The following PHKB variants were observed in gnomAD, a reference collection of about 807,000 sequenced individuals.
The protein encoded by PHKB is phosphorylase kinase regulatory subunit beta, also known as phosphorylase b kinase regulatory subunit beta.
PHKB carries 122 observed loss-of-function variants against 152.1 expected under a neutral mutation model. The ratio of observed to expected loss-of-function variants is 0.80; its 90% CI spans 0.69 to 0.93. PHKB has a LOEUF of 0.93. Among genes scored for constraint, PHKB ranks in the 40% least tolerant of loss-of-function variants. The probability of loss-of-function intolerance (pLI) is 0.00; values close to 1 mark genes in which losing one functional copy is unlikely to be tolerated. For missense variants in PHKB, 1,304 were observed against 1,328.4 expected (o/e 0.98, Z 0.29); for synonymous variants, 436 against 464.9 (o/e 0.94, Z 0.80).
chr16:47,503,865 C>T (rs541407765), intron 4 of PHKB, among the ~76,000 whole-genome samples: 19 of 152,094 alleles, frequency 1.2e-4, no homozygotes, highest in East Asian at 5.8e-4. Context: ...AGCTTTACAG[C>T]GTTATGTGGA....
intron 6 of PHKB, among the ~76,000 whole-genome samples, chr16:47,538,358 T>C (rs1001624321): frequency 6.6e-6 from 1 of 152,188 alleles, no homozygotes; most frequent in African/African-American, 2.4e-5. Flanking sequence ...GTAGCCCGAG[T>C]TGGGTAAGCT....
intron 26 of PHKB, among the ~76,000 whole-genome samples, chr16:47,685,504 A>T (rs1973949097): frequency 6.6e-6 from 1 of 152,200 alleles, no homozygotes. Context: ...ATGAGGGATA[A>T]TTAGCCTGAT....
chr16:47,605,979 G>T (rs1972316276), intron 13 of PHKB, among the ~76,000 whole-genome samples: 1 of 152,104 alleles, frequency 6.6e-6, no homozygotes, highest in Admixed American at 6.5e-5. Flanking sequence ...GGTGCCTCTG[G>T]TTCATCATCT....
rs145042477 is a variant in PHKB, at chr16:47,550,917, A to T, written c.710+3369A>T. On this transcript the variant is annotated intron_variant, in intron 7 of 30. Transcript: ENST00000323584. ...GAACTTGTTATCAGTCTATTCAGGGATTCGACTTCTTCCTGGTTTAGTCTT... is the reference window on the plus strand; with the variant it reads ...GAACTTGTTATCAGTCTATTCAGGGTTTCGACTTCTTCCTGGTTTAGTCTT... Among the ~76,000 whole-genome samples the T allele has an allele frequency of 1.6e-4, 25 of 152,264 alleles. No homozygotes were observed. In the East Asian group the frequency reaches 4.4e-3, roughly 27 times the overall value.
At chr16:47,484,540 G>A (rs930776345) in intron 1 of PHKB, among the ~76,000 whole-genome samples, 3 of 152,156 alleles carry the variant, frequency 2.0e-5, no homozygotes, top group African/African-American at 7.2e-5. Context: ...GAAAGTGAAA[G>A]CAAGGATTAA....
intron 13 of PHKB, chr16:47,598,975 C>T (rs1464734206): frequency 1.6e-6 from 2 of 1,229,104 alleles, no homozygotes; most frequent in Non-Finnish European, 1.2e-6. Flanking sequence ...TCCCACAAGG[C>T]CAGTGGTCTT....
intron 6 of PHKB, among the ~76,000 whole-genome samples, chr16:47,532,412 C>G (rs1442826938): frequency 6.6e-6 from 1 of 152,222 alleles, no homozygotes; most frequent in Non-Finnish European, 1.5e-5. Context: ...CCAGTGGCAC[C>G]TTTGCCCAAG....
At chr16:47,531,657 A>G (rs1277757263) in intron 6 of PHKB, among the ~76,000 whole-genome samples, 1 of 152,198 alleles carries the variant, frequency 6.6e-6, no homozygotes, top group Non-Finnish European at 1.5e-5. Context: ...AGACACTTGG[A>G]TTCTCTACCC....
chr16:47,529,839 A>G (rs1439150500), intron 6 of PHKB: 1 of 152,222 alleles, frequency 6.6e-6, no homozygotes. Flanking sequence ...TGCCAGGACC[A>G]GGTAGTGTTT....
At chr16:47,642,267 C>T (rs912579945) in intron 16 of PHKB, among the ~76,000 whole-genome samples, 5 of 152,010 alleles carry the variant, frequency 3.3e-5, no homozygotes, top group Non-Finnish European at 7.4e-5. Flanking sequence ...TTTGCTGGGT[C>T]TCAAAGCAAT....
intron 13 of PHKB, among the ~76,000 whole-genome samples, chr16:47,607,022 C>G (rs1428484384): frequency 1.3e-5 from 2 of 152,142 alleles, no homozygotes; most frequent in African/African-American, 4.8e-5. Flanking sequence ...CATAAAAAAA[C>G]GCCCCTTCTC....
chr16:47,626,410 T>A (rs1317209593), intron 14 of PHKB, among the ~76,000 whole-genome samples: 1 of 152,162 alleles, frequency 6.6e-6, no homozygotes, highest in Non-Finnish European at 1.5e-5. Flanking sequence ...TAGATGAGCA[T>A]CAAGTGCCAA....
Position 47,499,772 on chromosome 16 carries a change from G to A in PHKB, c.183G>A (p.Leu61=). 1 of 1,614,164 alleles carries A rather than the reference G, an allele frequency of 6.2e-7. No individual in the cohort carries two copies. Among genetic ancestry groups the A allele is most frequent in the Non-Finnish European group, 8.5e-7 (1 of 1,180,002 alleles). ...CAATTGCAGTCAAGTCAACATTGCTGCTGTATCAAAGTCCAACTACCGGTC... is the reference window on the plus strand; with the variant it reads ...CAATTGCAGTCAAGTCAACATTGCTACTGTATCAAAGTCCAACTACCGGTC... ...HYYRIVKSTL[L]LYQSPTTGLF... The change falls in exon 3 of 31, where the codon CTG becomes CTA. Residue 61 remains leucine (L), a synonymous_variant. Transcript: ENST00000323584.
intron 1 of PHKB, among the ~76,000 whole-genome samples, chr16:47,492,296 A>G (rs1970163335): frequency 6.6e-6 from 1 of 152,246 alleles, no homozygotes; most frequent in South Asian, 2.1e-4. Flanking sequence ...CCAGCCTCAC[A>G]AATCCTTTTT....
At chr16:47,569,423 G>A (rs1248567477) in intron 7 of PHKB, among the ~76,000 whole-genome samples, 2 of 152,134 alleles carry the variant, frequency 1.3e-5, no homozygotes. Flanking sequence ...GTCTCTTGAA[G>A]GCAGCAGATG....
chr16:47,463,396 A>G (rs1210165688), intron 1 of PHKB: 1 of 158,208 alleles, frequency 6.3e-6, no homozygotes. Context: ...TATTCCTCCA[A>G]ATTAATAGTT....
chr16:47,636,620 C>T (rs368930156), intron 14 of PHKB, among the ~76,000 whole-genome samples: 20 of 152,220 alleles, frequency 1.3e-4, no homozygotes, highest in South Asian at 6.2e-4. Context: ...GCTGGGTGTG[C>T]GCACGCTCAG....
At chr16:47,657,087 T>G (rs950200361) in intron 20 of PHKB, among the ~76,000 whole-genome samples, 3 of 152,308 alleles carry the variant, frequency 2.0e-5, no homozygotes, top group Non-Finnish European at 2.9e-5. Flanking sequence ...TTCATTGTCC[T>G]TCTATGACAT....
At chr16:47,580,717 T>G (rs566272406) in intron 8 of PHKB, among the ~76,000 whole-genome samples, 53 of 152,212 alleles carry the variant, frequency 3.5e-4, no homozygotes, top group Non-Finnish European at 6.2e-4. Flanking sequence ...GTTTTCATGT[T>G]GGTTTCAATG....
Sources: gnomAD v4.1 joint callset for allele counts (sites outside exome capture counted in the v4.1 genomes callset) on GRCh38, gnomAD v4.1.1 for gene constraint, MANE v1.5 for transcripts, NCBI Gene and HGNC (gene_info 2026-07-23, HGNC 2026-07-21) for gene names.